NAALADL2: variants seen among roughly 807,000 people sequenced by gnomAD.
NAALADL2 encodes N-acetylated alpha-linked acidic dipeptidase like 2.
A neutral mutation model predicts 87.2 loss-of-function variants in NAALADL2; 76 were observed. The ratio of observed to expected loss-of-function variants is 0.87; its 90% CI spans 0.72 to 1.05. NAALADL2 has a LOEUF of 1.05. Among genes scored for constraint, NAALADL2 ranks in the 50% least tolerant of loss-of-function variants. The probability of loss-of-function intolerance (pLI) is 0.00; values close to 1 mark genes in which losing one functional copy is unlikely to be tolerated. For synonymous variants in NAALADL2, 354 were observed against 331.0 expected, an observed-to-expected ratio of 1.07 and a Z score of -0.75; for missense variants, 1,089 against 945.8, an observed-to-expected ratio of 1.15 and a Z score of -1.99.
chr3:174,560,819 T>C (rs1210669820), intron 2 of NAALADL2, among the ~76,000 whole-genome samples: 1 of 152,176 alleles, frequency 6.6e-6, no homozygotes, highest in Admixed American at 6.5e-5. Context: ...TAGTCTGCTT[T>C]CAGGTGCTGT....
chr3:175,572,451 T>A (rs891139917), intron 9 of NAALADL2, among the ~76,000 whole-genome samples: 4 of 144,114 alleles, frequency 2.8e-5, no homozygotes, highest in Admixed American at 6.9e-5. Context: ...GAGGCAGCAA[T>A]ATAAACCTTT....
At chr3:175,012,263 C>T (rs576395148) in intron 1 of NAALADL2, among the ~76,000 whole-genome samples, 2 of 152,300 alleles carry the variant, frequency 1.3e-5, no homozygotes, top group African/African-American at 4.8e-5. Flanking sequence ...CTCCCGGGTT[C>T]AAGGGATTCT....
intron 9 of NAALADL2, among the ~76,000 whole-genome samples, chr3:175,516,379 G>A (rs948813303): frequency 3.3e-5 from 5 of 152,196 alleles, no homozygotes; most frequent in Non-Finnish European, 4.4e-5. Context: ...TTGACATCAA[G>A]CTTTAGTGTT....
chr3:174,887,878 T>C (rs1428636382), intron 1 of NAALADL2, among the ~76,000 whole-genome samples: 1 of 152,004 alleles, frequency 6.6e-6, no homozygotes, highest in African/African-American at 2.4e-5. Context: ...ATATTTCTGT[T>C]GTCATGGAGC....
chr3:175,791,224 A>G (rs1052717875), intron 13 of NAALADL2, among the ~76,000 whole-genome samples: 6 of 152,226 alleles, frequency 3.9e-5, no homozygotes, highest in African/African-American at 1.4e-4. Flanking sequence ...CTGTGGAAAT[A>G]CACTTTTCTA....
intron 5 of NAALADL2, among the ~76,000 whole-genome samples, chr3:175,369,009 T>C (rs1436901946): frequency 6.6e-6 from 1 of 152,184 alleles, no homozygotes; most frequent in African/African-American, 2.4e-5. Flanking sequence ...TGTGAAGGCC[T>C]AAGACGTTAC....
At chr3:175,044,581 A>T (rs547340395) in intron 1 of NAALADL2, among the ~76,000 whole-genome samples, 2 of 152,288 alleles carry the variant, frequency 1.3e-5, no homozygotes, top group African/African-American at 4.8e-5. Context: ...GTTCATACAT[A>T]TAATCTTCTG....
intron 1 of NAALADL2, among the ~76,000 whole-genome samples, chr3:174,503,228 G>A (rs1419269479): frequency 6.6e-6 from 1 of 152,102 alleles, no homozygotes; most frequent in Non-Finnish European, 1.5e-5. Flanking sequence ...GCACCTCCCA[G>A]GTAGTATGCC....
intron 2 of NAALADL2, among the ~76,000 whole-genome samples, chr3:174,598,571 G>A (rs1226962061): frequency 1.3e-5 from 2 of 151,968 alleles, no homozygotes; most frequent in African/African-American, 2.4e-5. Flanking sequence ...TTTTTAAATC[G>A]GTTAAGCAAA....
chr3:175,737,996 A>G (rs73881368), intron 12 of NAALADL2, among the ~76,000 whole-genome samples: 21,129 of 151,858 alleles, frequency 0.14, 1,556 homozygotes, highest in Middle Eastern at 0.2. Context: ...CTTCATCTAC[A>G]TACAAATCTT....
At chr3:175,410,188 A>G (rs1713221025) in intron 5 of NAALADL2, among the ~76,000 whole-genome samples, 1 of 152,206 alleles carries the variant, frequency 6.6e-6, no homozygotes, top group Admixed American at 6.5e-5. Context: ...ATAGTTAAAG[A>G]CAGTGCCTTT....
chr3:174,955,664 A>G (rs531909789), intron 1 of NAALADL2, among the ~76,000 whole-genome samples: 28 of 152,238 alleles, frequency 1.8e-4, no homozygotes, highest in African/African-American at 6.7e-4. Context: ...TAGAGATATC[A>G]GAGCCTGAGG....
At chr3:175,297,535 T>G (rs1756534301) in intron 4 of NAALADL2, among the ~76,000 whole-genome samples, 1 of 152,204 alleles carries the variant, frequency 6.6e-6, no homozygotes, top group Non-Finnish European at 1.5e-5. Flanking sequence ...TTTCCCTATT[T>G]GTGTAAGTTG....
Position 175,413,512 on chromosome 3 carries a change from G to A in NAALADL2, c.1091-33717G>A, listed in dbSNP as rs2149097769. Among the ~76,000 whole-genome samples the A allele has an allele frequency of 2.0e-5, 3 of 149,428 alleles. No individual in the cohort carries two copies. In the South Asian group the frequency reaches 6.4e-4, roughly 32 times the overall value. Reference sequence around the variant, plus strand: ...TTGAACCCAGGAGGTGGAGGTTGCAGTGAGCTGAGATTGCGCCAAAGCACT... The same window carrying A: ...TTGAACCCAGGAGGTGGAGGTTGCAATGAGCTGAGATTGCGCCAAAGCACT... On this transcript the variant is annotated intron_variant, in intron 5 of 13. Transcript: ENST00000454872.
chr3:174,925,247 A>T (rs945641468), intron 1 of NAALADL2, among the ~76,000 whole-genome samples: 32 of 152,154 alleles, frequency 2.1e-4, no homozygotes, highest in Admixed American at 1.2e-3. Flanking sequence ...TAATTTTTGT[A>T]TAAGGTGTAA....
chr3:175,104,947 T>C, intron 2 of NAALADL2, among the ~76,000 whole-genome samples: 1 of 150,352 alleles, frequency 6.7e-6, no homozygotes, highest in East Asian at 2.0e-4. Flanking sequence ...TGACATTAAT[T>C]GTATTAACTG....
At chr3:174,964,992 T>C (rs1742666583) in intron 1 of NAALADL2, among the ~76,000 whole-genome samples, 1 of 152,110 alleles carries the variant, frequency 6.6e-6, no homozygotes, top group East Asian at 1.9e-4. Flanking sequence ...TCAAAAAAAA[T>C]GTAGTGGCTT....
At chr3:175,674,516 G>A (rs1207527757) in intron 11 of NAALADL2, among the ~76,000 whole-genome samples, 4 of 151,818 alleles carry the variant, frequency 2.6e-5, no homozygotes, top group Non-Finnish European at 5.9e-5. Context: ...AGCCTGCCTC[G>A]GCCTCCCAAA....
At chr3:175,666,994 A>C (rs543085316) in intron 11 of NAALADL2, among the ~76,000 whole-genome samples, 1 of 152,004 alleles carries the variant, frequency 6.6e-6, no homozygotes, top group African/African-American at 2.4e-5. Context: ...CTTTTGACAA[A>C]TAAATATGGC....
Sources: gnomAD v4.1 joint callset for allele counts (sites outside exome capture counted in the v4.1 genomes callset) on GRCh38, gnomAD v4.1.1 for gene constraint, MANE v1.5 for transcripts, NCBI Gene and HGNC (gene_info 2026-07-23, HGNC 2026-07-21) for gene names.